The following PTPRM variants were observed in gnomAD, a reference collection of about 807,000 sequenced individuals.
The protein encoded by PTPRM is protein tyrosine phosphatase receptor type M, also known as receptor-type tyrosine-protein phosphatase mu.
Under a neutral mutation model 186.7 loss-of-function variants are expected in PTPRM, and 47 were observed. The ratio of observed to expected loss-of-function variants is 0.25; its 90% CI spans 0.20 to 0.32. The LOEUF is 0.32. Among genes scored for constraint, PTPRM ranks in the 10% least tolerant of loss-of-function variants. The pLI is 1.00. For missense variants in PTPRM, 1,494 were observed against 1,865.0 expected (o/e 0.80, Z 3.66); for synonymous variants, 668 against 674.9 (o/e 0.99, Z 0.16).
At chr18:8,192,587 A>G (rs56359936) in intron 14 of PTPRM, among the ~76,000 whole-genome samples, 3,569 of 152,318 alleles carry the variant, frequency 0.023, 138 homozygotes, top group African/African-American at 0.081. Context: ...AAATATATGC[A>G]TCTATGGTAA....
At chr18:7,603,428 C>T (rs1444497320) in intron 1 of PTPRM, among the ~76,000 whole-genome samples, 1 of 152,148 alleles carries the variant, frequency 6.6e-6, no homozygotes, top group Non-Finnish European at 1.5e-5. Flanking sequence ...TTTGCAGGGC[C>T]CCTGCCTGTT....
intron 2 of PTPRM, among the ~76,000 whole-genome samples, chr18:7,796,107 G>A (rs1371620095): frequency 6.6e-6 from 1 of 151,812 alleles, no homozygotes; most frequent in Non-Finnish European, 1.5e-5. Flanking sequence ...AACAGGATTT[G>A]TTTTTTTGAA....
intron 1 of PTPRM, among the ~76,000 whole-genome samples, chr18:7,627,873 G>A (rs1400943798): frequency 6.6e-6 from 1 of 152,172 alleles, no homozygotes; most frequent in Non-Finnish European, 1.5e-5. Flanking sequence ...GTGCTACAGT[G>A]ACTAGAGTCA....
At chr18:8,302,744 A>G (rs1017780400) in intron 20 of PTPRM, among the ~76,000 whole-genome samples, 5 of 151,976 alleles carry the variant, frequency 3.3e-5, no homozygotes, top group South Asian at 2.1e-4. Context: ...TGGAGGATGA[A>G]TGGTTAGATG....
At chr18:7,987,600 C>A (rs1052864112) in intron 7 of PTPRM, among the ~76,000 whole-genome samples, 1 of 152,110 alleles carries the variant, frequency 6.6e-6, no homozygotes, top group Middle Eastern at 3.4e-3. Context: ...GGAATGGGGA[C>A]CCCTAGACTC....
chr18:8,082,947 A>G (rs2090216799), intron 9 of PTPRM, among the ~76,000 whole-genome samples: 1 of 151,768 alleles, frequency 6.6e-6, no homozygotes, highest in Non-Finnish European at 1.5e-5. Flanking sequence ...AATGGAACCT[A>G]TCCTTTATTC....
At chr18:7,958,750 C>T (rs2053480747) in intron 7 of PTPRM, among the ~76,000 whole-genome samples, 1 of 152,136 alleles carries the variant, frequency 6.6e-6, no homozygotes, top group Non-Finnish European at 1.5e-5. Flanking sequence ...AAGTACTATT[C>T]TTTGGGCAGT....
Position 7,723,000 on chromosome 18 carries a change from G to GT in PTPRM, c.74-51140dup, listed in dbSNP as rs536819753. On this transcript the variant is annotated intron_variant, in intron 1 of 32. Transcript: ENST00000580170. ...ACAAGTTTTGGTGAATGGAAAGTTAGTTTTTTTTTCCAAGAAGCCAGCAAC... is the reference window on the plus strand; with the variant it reads ...ACAAGTTTTGGTGAATGGAAAGTTAGTTTTTTTTTTCCAAGAAGCCAGCAAC... Among the ~76,000 whole-genome samples the GT allele has an allele frequency of 4.6e-5, 7 of 151,738 alleles. No individual in the cohort carries two copies. In the South Asian group the frequency reaches 8.4e-4, roughly 18 times the overall value.
At chr18:8,196,703 C>T (rs2093783034) in intron 14 of PTPRM, among the ~76,000 whole-genome samples, 1 of 152,164 alleles carries the variant, frequency 6.6e-6, no homozygotes, top group Non-Finnish European at 1.5e-5. Context: ...GTAGGGAGCC[C>T]AGCACTGACG....
chr18:8,020,204 A>T (rs1600104807), intron 7 of PTPRM, among the ~76,000 whole-genome samples: 1 of 152,060 alleles, frequency 6.6e-6, no homozygotes, highest in East Asian at 1.9e-4. Flanking sequence ...CTGCACTCTC[A>T]CTCCAATCTT....
chr18:8,186,814 A>G (rs1012434892), intron 14 of PTPRM, among the ~76,000 whole-genome samples: 5 of 152,232 alleles, frequency 3.3e-5, no homozygotes, highest in Admixed American at 3.3e-4. Flanking sequence ...CTAATAAAAT[A>G]ATCACAAATT....
intron 14 of PTPRM, among the ~76,000 whole-genome samples, chr18:8,238,269 A>G (rs2094369560): frequency 6.6e-6 from 1 of 152,088 alleles, no homozygotes. Context: ...GTTTTGGGAT[A>G]TTCTGACATT....
Position 8,234,068 on chromosome 18 carries a change from A to G in PTPRM, c.2301-9990A>G, listed in dbSNP as rs186037197. On this transcript the variant is annotated intron_variant, in intron 14 of 32. Coordinates refer to ENST00000580170, the MANE Select transcript of PTPRM (RefSeq NM_001105244.2). ...GAAGTCAGGTAGTATCAATCTTCCA[A>G]CTTTTTTCTAATCAGTATTGTGTTG... Among the ~76,000 whole-genome samples the G allele has an allele frequency of 1.7e-3, 257 of 152,210 alleles. 1 individual carries two copies. The highest frequency in any genetic ancestry group is 5.8e-3 in the African/African-American group (242 of 41,536).
At chr18:7,899,169 C>T (rs1032820916) in intron 3 of PTPRM, among the ~76,000 whole-genome samples, 2 of 152,016 alleles carry the variant, frequency 1.3e-5, no homozygotes, top group African/African-American at 4.8e-5. Flanking sequence ...TAAAAAGCAA[C>T]GTTACCAAAA....
chr18:8,126,013 A>G (rs868405864), intron 13 of PTPRM, among the ~76,000 whole-genome samples: 1 of 22,418 alleles, frequency 4.5e-5, no homozygotes, highest in Admixed American at 7.8e-4. Flanking sequence ...ATATATATAT[A>G]TATATATATA....
At chr18:8,400,838 T>C (rs1288054945) in intron 32 of PTPRM, among the ~76,000 whole-genome samples, 1 of 152,070 alleles carries the variant, frequency 6.6e-6, no homozygotes, top group East Asian at 1.9e-4. Flanking sequence ...CCTCAATAGC[T>C]CTTGCTGTGA....
At chr18:7,923,974 AG>A (rs1448355219) in intron 4 of PTPRM, among the ~76,000 whole-genome samples, 1 of 152,244 alleles carries the variant, frequency 6.6e-6, no homozygotes, top group Non-Finnish European at 1.5e-5. Context: ...ATAAATTGCA[AG>A]GTAAGAGATC....
chr18:8,357,330 C>T (rs556723075), intron 23 of PTPRM, among the ~76,000 whole-genome samples: 5 of 152,284 alleles, frequency 3.3e-5, no homozygotes, highest in African/African-American at 1.2e-4. Context: ...AATTTATAGA[C>T]CTTCTTTTGA....
rs577690406 is a variant in PTPRM, at chr18:7,865,396, G to A, written c.197-22710G>A. Among the ~76,000 whole-genome samples the A allele has an allele frequency of 4.6e-5, 7 of 152,266 alleles. No homozygotes were observed. In the South Asian group the frequency reaches 1.4e-3, roughly 31 times the overall value. On this transcript the variant is annotated intron_variant, in intron 2 of 32. Transcript: ENST00000580170. ...GTTTATTGAGAGTTTTTAGCATAAA[G>A]GGTGTTGAATTTTGTCGAAGGCCTT...
Sources: gnomAD v4.1 joint callset for allele counts (sites outside exome capture counted in the v4.1 genomes callset) on GRCh38, gnomAD v4.1.1 for gene constraint, MANE v1.5 for transcripts, NCBI Gene and HGNC (gene_info 2026-07-23, HGNC 2026-07-21) for gene names.